The following ZNF195 variants were observed in gnomAD, a reference collection of about 807,000 sequenced individuals.
ZNF195 encodes the protein hypoxia-regulated factor-1.
ZNF195 carries 11 observed loss-of-function variants against 19.5 expected under a neutral mutation model. The observed-to-expected ratio is 0.57, with a 90% confidence interval of 0.36 to 0.94. The LOEUF (loss-of-function observed/expected upper bound fraction) is 0.94, where lower values mean the gene tolerates loss of function less well. Ranked by LOEUF, ZNF195 falls within the 40% of genes least tolerant of loss-of-function variation. The pLI is 0.01. For synonymous variants in ZNF195, 214 were observed against 248.1 expected (o/e 0.86, Z 1.29); for missense variants, 582 against 709.0 (o/e 0.82, Z 2.03).
At chr11:3,368,255 C>G (rs1849003348) in intron 3 of ZNF195, among the ~76,000 whole-genome samples, 1 of 151,978 alleles carries the variant, frequency 6.6e-6, no homozygotes, top group African/African-American at 2.4e-5. Flanking sequence ...ATAGGTGGAC[C>G]CTGGGTTATA....
In ZNF195 at chr11:3,358,760, G is replaced by T; in HGVS notation, c.*358C>A. 3.2e-4 allele frequency: 1 copy of T among 3,166 alleles called. No individual in the cohort carries two copies. The highest frequency in any genetic ancestry group is 6.0e-4 in the Non-Finnish European group (1 of 1,666). The allele number at this position is 3,166 out of a possible 1,614,324, so 0.2% of individuals were successfully genotyped here. A position where few individuals can be genotyped will look rare whatever the true frequency, so the allele number is the denominator to read the frequency against. ...CAGGGATTCAGTGTCATTTCTGAAC[G>T]TGTCCTTGCTTATTTTTCCCATTTA... is the stretch of plus-strand genomic sequence containing the variant. On this transcript the variant is annotated 3_prime_UTR_variant, in exon 6 of 6. Transcript: ENST00000399602.
Position 3,359,120 on chromosome 11 carries a change from A to G in ZNF195, c.1888T>C (p.Ter630ArgextTer7). 6.5e-7 allele frequency: 1 copy of G among 1,537,466 alleles called. No homozygotes were observed. Among genetic ancestry groups the G allele is most frequent in the Non-Finnish European group, 8.7e-7 (1 of 1,144,624 alleles). The change falls in exon 6 of 6, where the codon TGA (stop) becomes CGA (arginine). Residue 630 changes from the stop codon to arginine (R), a stop_lost. Coordinates refer to ENST00000399602, the MANE Select transcript of ZNF195 (RefSeq NM_001130520.3). The surrounding 1 kb of genome is among the most constrained non-coding windows in gnomAD (Gnocchi z 5.5). ...HLTVHESIHT[*>R] ...TTTTATATTTGTTTATTTTTTTCTC[A>G]AGTATGAATGCTTTCATGTACAGTC... is the stretch of plus-strand genomic sequence containing the variant.
At chr11:3,362,562 G>C in intron 3 of ZNF195, 1 of 595,358 alleles carries the variant, frequency 1.7e-6, no homozygotes, top group Non-Finnish European at 3.0e-6. Flanking sequence ...GTAACTTTAA[G>C]ATGTTTTATA....
In ZNF195 at chr11:3,360,267, T is replaced by G. The variant is rs200406151; in HGVS notation, c.741A>C (p.Gln247His). Residue 247 changes from glutamine (Q) to histidine (H), a missense_variant, in exon 6 of 6, where the codon CAA becomes CAC. This residue lies in a region of ZNF195 where 407 missense variants were observed against 530.5 expected (regional missense o/e 0.77). Coordinates refer to ENST00000399602, the MANE Select transcript of ZNF195 (RefSeq NM_001130520.3). ...GCATTTGAAAGGATTTGCCACATTC[T>G]TGACATTTGAAAGGTTTCTCTCCAG... ...SNTGEKPFKC[Q>H]ECGKSFQMLS... 1.8e-5 allele frequency: 29 copies of G among 1,613,430 alleles called. No individual in the cohort carries two copies. Among genetic ancestry groups the G allele is most frequent in the African/African-American group, 1.3e-5 (1 of 74,896 alleles).
chr11:3,368,025 G>A (rs544221053), intron 3 of ZNF195, among the ~76,000 whole-genome samples: 6 of 152,060 alleles, frequency 3.9e-5, no homozygotes, highest in Admixed American at 2.6e-4. Context: ...TTGCAGTGCC[G>A]AGATCGCGCC....
At position 3,377,915 on chromosome 11, in the gene ZNF195, AAGG is replaced by A. The variant is rs1564931548; in HGVS notation, c.3+1120_3+1122del. ...GGTGTCTGTGCCTAGGGAAAATAAA[AAGG>A]AGGAGAGGCACAAAGACTTTTTACA... On this transcript the variant is annotated intron_variant, in intron 1 of 5. Transcript: ENST00000399602. The A allele has an allele frequency of 7.1e-6, 7 of 986,544 alleles. No homozygotes were observed. In the South Asian group the frequency reaches 1.4e-4, roughly 20 times the overall value. The allele number at this position is 986,544 out of a possible 1,614,324, so 61.1% of individuals were successfully genotyped here. A position where few individuals can be genotyped will look rare whatever the true frequency, so the allele number is the denominator to read the frequency against.
chr11:3,361,607 AAG>A (rs1848635965), intron 4 of ZNF195, 134 bp downstream of exon 4: 1 of 374,940 alleles, frequency 2.7e-6, no homozygotes, highest in Admixed American at 5.5e-5. Context: ...CAAAAAAATC[AAG>A]AAGCTCAACA....
chr11:3,368,103 G>C (rs1848994308), intron 3 of ZNF195, among the ~76,000 whole-genome samples: 1 of 112,734 alleles, frequency 8.9e-6, no homozygotes, highest in African/African-American at 3.5e-5. Context: ...CAAACAAATA[G>C]TGCTTACTAA....
chr11:3,365,962 A>G (rs916486517), intron 3 of ZNF195, among the ~76,000 whole-genome samples: 5 of 152,224 alleles, frequency 3.3e-5, no homozygotes, highest in African/African-American at 1.2e-4. Context: ...AATGAAAAAC[A>G]TAAAAATAGA....
rs1211165092 is a variant in ZNF195, at chr11:3,359,034, T to TA, written c.*83_*84insT. The TA allele has an allele frequency of 7.1e-7, 1 of 1,417,514 alleles. No individual in the cohort carries two copies. Among genetic ancestry groups the TA allele is most frequent in the South Asian group, 1.8e-5 (1 of 54,384 alleles). 87.8% of individuals were successfully genotyped at this position (1,417,514 alleles called of 1,614,324 possible). A position where few individuals can be genotyped will look rare whatever the true frequency, so the allele number is the denominator to read the frequency against. On this transcript the variant is annotated 3_prime_UTR_variant, in exon 6 of 6. Coordinates refer to ENST00000399602, the MANE Select transcript of ZNF195 (RefSeq NM_001130520.3). The surrounding 1 kb of genome is among the most constrained non-coding windows in gnomAD (Gnocchi z 5.5). ...AATAGTAATTACATTTATGATAACT[T>TA]TATTAAGTCTGAACTCTGATGTAAA...
At position 3,359,879 on chromosome 11, in the gene ZNF195, C is replaced by G; in HGVS notation, c.1129G>C (p.Ala377Pro). ...TCACATTTGGAGAGCTTCTCTCCAG[C>G]AAGAATCATCTGTTGATTAGAAAGG... Reference protein sequence around the residue: ...SSLSNQQMILAGEKLSKCETW... With the variant: ...SSLSNQQMILPGEKLSKCETW... The change falls in exon 6 of 6, where the codon GCT becomes CCT. Residue 377 changes from alanine (A) to proline (P), a missense_variant. Ala to Pro is a conservative substitution (Grantham distance 27). Coordinates refer to ENST00000399602, the MANE Select transcript of ZNF195 (RefSeq NM_001130520.3). This position sits in a 1 kb window ranked among gnomAD's most constrained non-coding sequence, Gnocchi z 5.5. 6.2e-7 allele frequency: 1 copy of G among 1,613,944 alleles called. No homozygotes were observed. The highest frequency in any genetic ancestry group is 1.1e-5 in the South Asian group (1 of 91,082).
intron 3 of ZNF195, among the ~76,000 whole-genome samples, chr11:3,368,626 A>G (rs1849023501): frequency 6.6e-6 from 1 of 152,264 alleles, no homozygotes; most frequent in Non-Finnish European, 1.5e-5. Flanking sequence ...AGCAATCTAT[A>G]GGAAAAAGAA....
chr11:3,373,712 C>T, intron 1 of ZNF195: 1 of 1,296,396 alleles, frequency 7.7e-7, no homozygotes, highest in Non-Finnish European at 1.1e-6. Flanking sequence ...CACCTGCTAC[C>T]ACCACAACCA....
rs764586598 is a variant in ZNF195 at position 3,360,032 on chromosome 11, G to A, written c.976C>T (p.His326Tyr). ...TTGCCAAATTCTTCACATCTGTAAT[G>A]TTCCCCTCCGGCATAAATTCTATTT... ...TKNRIYAGGE[H>Y]YRCEEFGKVF... The change falls in exon 6 of 6, where the codon CAT becomes TAT. Residue 326 changes from histidine to tyrosine, a missense_variant. Physicochemically the swap from His to Tyr is moderately conservative, Grantham distance 83. Coordinates refer to ENST00000399602, the MANE Select transcript of ZNF195 (RefSeq NM_001130520.3). The A allele has an allele frequency of 6.2e-7, 1 of 1,613,872 alleles. No individual in the cohort carries two copies. Among genetic ancestry groups the A allele is most frequent in the East Asian group, 2.2e-5 (1 of 44,886 alleles).
chr11:3,361,753 G>C lies in ZNF195; in HGVS notation c.363C>G (p.Asp121Glu), dbSNP rs1848641174. 2 of 1,299,552 alleles carry C rather than the reference G, an allele frequency of 1.5e-6. No individual in the cohort carries two copies. Among genetic ancestry groups the C allele is most frequent in the African/African-American group, 3.0e-5 (2 of 65,696 alleles). 80.5% of individuals were successfully genotyped at this position (1,299,552 alleles called of 1,614,324 possible). Reference protein sequence around the residue: ...RAQPGLNVSVDKFTALCSPGV... With the variant: ...RAQPGLNVSVEKFTALCSPGV... ...CTCTTAGGAGATTACCAGTGAATTTGTCCACAGAAACATTGAGGCCTGGCT... is the reference window on the plus strand; with the variant it reads ...CTCTTAGGAGATTACCAGTGAATTTCTCCACAGAAACATTGAGGCCTGGCT... The change falls in exon 4 of 6, where the codon GAC (aspartate) becomes GAG (glutamate). Residue 121 changes from aspartate to glutamate, a missense_variant. By Grantham distance (45) the Asp-to-Glu change is conservative. Coordinates refer to ENST00000399602, the MANE Select transcript of ZNF195 (RefSeq NM_001130520.3).
At chr11:3,365,284 AC>A (rs1349829625) in intron 3 of ZNF195, among the ~76,000 whole-genome samples, 1 of 152,234 alleles carries the variant, frequency 6.6e-6, no homozygotes, top group African/African-American at 2.4e-5. Context: ...AACATTACAG[AC>A]CAAATCAATT....
intron 1 of ZNF195, chr11:3,377,677 TG>T: frequency 8.2e-7 from 1 of 1,226,562 alleles, no homozygotes; most frequent in South Asian, 1.5e-5. Flanking sequence ...AGCTGCTCCC[TG>T]GAGAGGCCAC....
At chr11:3,374,810 A>T (rs1364545759) in intron 1 of ZNF195, among the ~76,000 whole-genome samples, 2 of 152,258 alleles carry the variant, frequency 1.3e-5, no homozygotes, top group East Asian at 3.8e-4. Flanking sequence ...GGCACTTTCC[A>T]TTGTTGTGTT....
chr11:3,360,027 G>A lies in ZNF195; in HGVS notation c.981C>T (p.Tyr327=). Residue 327 remains tyrosine (Y), a synonymous_variant, in exon 6 of 6, where the codon TAC becomes TAT. Coordinates refer to ENST00000399602, the MANE Select transcript of ZNF195 (RefSeq NM_001130520.3). ...ATACTTTGCCAAATTCTTCACATCT[G>A]TAATGTTCCCCTCCGGCATAAATTC... The part of the protein sequence containing the change: ...KNRIYAGGEH[Y]RCEEFGKVFN... The A allele has an allele frequency of 3.1e-6, 5 of 1,614,010 alleles. No homozygotes were observed. The highest frequency in any genetic ancestry group is 4.2e-6 in the Non-Finnish European group (5 of 1,180,034).
Sources: gnomAD v4.1 joint callset for allele counts (sites outside exome capture counted in the v4.1 genomes callset) on GRCh38, gnomAD v4.1.1 for gene constraint, gnomAD v4.1.1 regional missense constraint, Gnocchi (gnomAD v3.1) non-coding constraint, MANE v1.5 for transcripts, NCBI Gene and HGNC (gene_info 2026-07-23, HGNC 2026-07-21) for gene names.